Variants in SH3BP4 observed in about 807,000 individuals in gnomAD.
SH3BP4 encodes SH3 domain binding protein 4, also known as SH3 domain-binding protein 4.
SH3BP4 carries 33 observed loss-of-function variants against 65.5 expected under a neutral mutation model. That is an observed-to-expected ratio of 0.50 (90% CI 0.38 to 0.67). The LOEUF is 0.67. Ranked by LOEUF, SH3BP4 falls within the 30% of genes least tolerant of loss-of-function variation. SH3BP4 has a pLI of 0.00. For synonymous variants in SH3BP4, 552 were observed against 545.5 expected, an observed-to-expected ratio of 1.01 and a Z score of -0.17; for missense variants, 1,134 against 1,261.4, an observed-to-expected ratio of 0.90 and a Z score of 1.53.
At chr2:234,960,994 C>G (rs1559223565) in intron 1 of SH3BP4, among the ~76,000 whole-genome samples, 2 of 152,160 alleles carry the variant, frequency 1.3e-5, no homozygotes, top group African/African-American at 4.8e-5. Flanking sequence ...CTCCATGGCT[C>G]TTTGTTGGGA....
chr2:235,005,368 T>G (rs1694261738), intron 2 of SH3BP4, among the ~76,000 whole-genome samples: 1 of 152,040 alleles, frequency 6.6e-6, no homozygotes, highest in Non-Finnish European at 1.5e-5. Context: ...TGGGGCTCAC[T>G]CCGGCTCCCC....
intron 4 of SH3BP4, among the ~76,000 whole-genome samples, chr2:235,047,686 G>A (rs554192787): frequency 6.6e-6 from 1 of 152,328 alleles, no homozygotes; most frequent in Admixed American, 6.5e-5. Flanking sequence ...AGCCCACGGT[G>A]GCCTCAGGCC....
At chr2:235,005,699 T>G (rs1694272383) in intron 2 of SH3BP4, among the ~76,000 whole-genome samples, 1 of 152,170 alleles carries the variant, frequency 6.6e-6, no homozygotes, top group Non-Finnish European at 1.5e-5. Flanking sequence ...CTTTCAGAGC[T>G]TCAAAGGAAG....
rs760507435 is a variant in SH3BP4 at position 235,052,742 on chromosome 2, G to A, written c.2659G>A (p.Asp887Asn). ...SPHRDRNGVV[D>N]SEAMWKPAYD... The stretch of plus-strand genomic sequence containing the variant: ...CCACCGGGACAGGAACGGGGTTGTG[G>A]ACAGCGAGGTGAGCAGCGGCTGAGC... Residue 887 changes from aspartate (D) to asparagine (N), a missense_variant, in exon 5 of 6, where the codon GAC becomes AAC. Asp to Asn is a conservative substitution (Grantham distance 23, BLOSUM62 1). Transcript: ENST00000392011. The surrounding 1 kb of genome is among the most constrained non-coding windows in gnomAD (Gnocchi z 5.0). 1 of 1,593,788 alleles carries A rather than the reference G, an allele frequency of 6.3e-7. No individual in the cohort carries two copies.
chr2:235,010,052 C>T (rs1347893098), intron 2 of SH3BP4, among the ~76,000 whole-genome samples: 3 of 151,538 alleles, frequency 2.0e-5, no homozygotes, highest in African/African-American at 7.3e-5. Context: ...TGCTTGTCTA[C>T]CCTTCGTCCC....
intron 1 of SH3BP4, among the ~76,000 whole-genome samples, chr2:234,972,135 T>G (rs1250286012): frequency 1.5e-5 from 2 of 131,836 alleles, no homozygotes; most frequent in African/African-American, 3.6e-5. Flanking sequence ...TTGTTTTTTG[T>G]TTTTTTTTTG....
intron 4 of SH3BP4, among the ~76,000 whole-genome samples, chr2:235,047,840 G>A (rs1695919087): frequency 6.6e-6 from 1 of 152,172 alleles, no homozygotes; most frequent in Non-Finnish European, 1.5e-5. Context: ...CGGGAGGTAG[G>A]GAAATAGGCG....
intron 1 of SH3BP4, among the ~76,000 whole-genome samples, chr2:234,984,979 T>C (rs1334832853): frequency 6.6e-6 from 1 of 152,160 alleles, no homozygotes. Context: ...GCCATGAGAC[T>C]ATGCCCTAGA....
intron 1 of SH3BP4, among the ~76,000 whole-genome samples, chr2:234,964,572 C>G (rs1290745050): frequency 2.0e-5 from 3 of 151,952 alleles, no homozygotes; most frequent in African/African-American, 7.3e-5. Flanking sequence ...TAAAGAAGCC[C>G]CACTAAGTAG....
chr2:235,032,667 G>A (rs934427577), intron 2 of SH3BP4, among the ~76,000 whole-genome samples: 2 of 152,134 alleles, frequency 1.3e-5, no homozygotes, highest in Non-Finnish European at 2.9e-5. Flanking sequence ...CACGCAGGCT[G>A]TGCATTCAGA....
rs1695361558 is a variant in SH3BP4 at position 235,035,845 on chromosome 2, T to C, written c.118+725T>C. ...TTCTTCCTGCACATCTGCCCTAACC[T>C]AGGCCACGTTCAGTCTCTCTCACAT... On this transcript the variant is annotated intron_variant, in intron 3 of 5. Coordinates refer to ENST00000392011, the MANE Select transcript of SH3BP4 (RefSeq NM_014521.3). This position sits in a 1 kb window ranked among gnomAD's most constrained non-coding sequence, Gnocchi z 5.0. Among the ~76,000 whole-genome samples, 2 of 152,210 alleles carry C rather than the reference T, an allele frequency of 1.3e-5. No homozygotes were observed. Among genetic ancestry groups the C allele is most frequent in the South Asian group, 2.1e-4 (1 of 4,830 alleles).
chr2:234,980,964 C>T (rs1693359226), intron 1 of SH3BP4, among the ~76,000 whole-genome samples: 1 of 152,052 alleles, frequency 6.6e-6, no homozygotes, highest in Non-Finnish European at 1.5e-5. Context: ...CAAGCTCTGC[C>T]CACTGCAACC....
chr2:234,967,993 T>A lies in SH3BP4; in HGVS notation c.-207+15823T>A, dbSNP rs1424606861. The stretch of plus-strand genomic sequence containing the variant: ...GGCACCTGCTGGGTTTCCTGCCACC[T>A]GTGGAGAAGCCCGCTCCTTCCCTTG... On this transcript the variant is annotated intron_variant, in intron 1 of 5. Transcript: ENST00000392011. The surrounding 1 kb of genome is among the most constrained non-coding windows in gnomAD (Gnocchi z 4.6). 1.3e-5 allele frequency among the ~76,000 whole-genome samples: 2 copies of A among 151,880 alleles called. No homozygotes were observed. Among genetic ancestry groups the A allele is most frequent in the Admixed American group, 6.6e-5 (1 of 15,248 alleles).
rs566649087 is a variant in SH3BP4 at position 235,030,291 on chromosome 2, G to A, written c.-132-4580G>A. Among the ~76,000 whole-genome samples the A allele has an allele frequency of 6.6e-6, 1 of 152,302 alleles. No homozygotes were observed. Among genetic ancestry groups the A allele is most frequent in the South Asian group, 2.1e-4 (1 of 4,814 alleles). ...GCAACTCTGGGCGTGGGAAGAAATA[G>A]TTAGCAAGACTGGGAGCAGAGAGTG... On this transcript the variant is annotated intron_variant, in intron 2 of 5. Transcript: ENST00000392011. This position sits in a 1 kb window ranked among gnomAD's most constrained non-coding sequence, Gnocchi z 4.1.
intron 1 of SH3BP4, among the ~76,000 whole-genome samples, chr2:234,957,060 A>T (rs1692605006): frequency 6.6e-6 from 1 of 151,658 alleles, no homozygotes; most frequent in South Asian, 2.1e-4. Flanking sequence ...TCTGTCACCC[A>T]GGCTGGCTGG....
At chr2:234,988,099 G>A (rs527387893) in intron 1 of SH3BP4, among the ~76,000 whole-genome samples, 41 of 151,940 alleles carry the variant, frequency 2.7e-4, no homozygotes, top group African/African-American at 8.9e-4. Context: ...TCACTCTGTC[G>A]CCCAGGCTGG....
intron 1 of SH3BP4, among the ~76,000 whole-genome samples, chr2:234,987,572 A>C (rs771046032): frequency 7.2e-5 from 11 of 152,294 alleles, no homozygotes; most frequent in Non-Finnish European, 1.5e-4. Context: ...TCCCCCCAAC[A>C]TGGGCGGCTC....
At chr2:235,010,361 A>T (rs1694441159) in intron 2 of SH3BP4, among the ~76,000 whole-genome samples, 1 of 152,164 alleles carries the variant, frequency 6.6e-6, no homozygotes, top group Non-Finnish European at 1.5e-5. Flanking sequence ...GCAGGGCAAG[A>T]TGCACACAGT....
At chr2:234,965,145 A>G (rs2106243082) in intron 1 of SH3BP4, among the ~76,000 whole-genome samples, 1 of 152,378 alleles carries the variant, frequency 6.6e-6, no homozygotes, top group South Asian at 2.1e-4. Context: ...TGACGGTTGA[A>G]TCATTGAAGG....
Sources: gnomAD v4.1 joint callset for allele counts (sites outside exome capture counted in the v4.1 genomes callset) on GRCh38, gnomAD v4.1.1 for gene constraint, Gnocchi (gnomAD v3.1) non-coding constraint, MANE v1.5 for transcripts, NCBI Gene and HGNC (gene_info 2026-07-23, HGNC 2026-07-21) for gene names.